The following USH2A variants were observed in gnomAD, a reference collection of about 807,000 sequenced individuals.
The protein encoded by USH2A is Usher syndrome 2A (autosomal recessive, mild).
In USH2A, 443 loss-of-function variants were observed where a neutral mutation model predicts 538.9. That is an observed-to-expected ratio of 0.82 (90% confidence interval 0.76 to 0.89). USH2A has a LOEUF of 0.89. Ranked by LOEUF, USH2A falls within the 40% of genes least tolerant of loss-of-function variation. The pLI, the probability that USH2A is intolerant of heterozygous loss-of-function variation, is 0.00. For missense variants in USH2A, 6,633 were observed against 6,324.8 expected, an observed-to-expected ratio of 1.05 and a Z score of -1.65; for synonymous variants, 2,413 against 2,273.5, an observed-to-expected ratio of 1.06 and a Z score of -1.75.
chr1:216,089,134 T>G lies in USH2A; in HGVS notation c.4764A>C (p.Ser1588=), dbSNP rs1317953819. The G allele has an allele frequency of 1.2e-6, 2 of 1,612,700 alleles. No individual in the cohort carries two copies. Among genetic ancestry groups the G allele is most frequent in the Admixed American group, 3.3e-5 (2 of 59,980 alleles). Residue 1588 remains serine (S), a synonymous_variant, in exon 23 of 72, where the codon TCA becomes TCC. Transcript: ENST00000307340. ...CATTAGTTGTAGTTACTTCCACTGG[T>G]GACCCCTTAAGGGAATGAATGAATA... ...RLYFLFDPQG[S]PVEVTTTNDH...
At chr1:215,950,393 T>C (rs1280222065) in intron 37 of USH2A, among the ~76,000 whole-genome samples, 2 of 152,194 alleles carry the variant, frequency 1.3e-5, no homozygotes, top group Non-Finnish European at 2.9e-5. Context: ...AAATATGATA[T>C]GTGTTTGTAG....
chr1:216,054,989 A>G (rs1001699916), intron 30 of USH2A, among the ~76,000 whole-genome samples: 4 of 152,170 alleles, frequency 2.6e-5, no homozygotes, highest in Admixed American at 6.5e-5. Flanking sequence ...ATCATGCACA[A>G]TATTTCAAAT....
In USH2A at chr1:215,812,418, A is replaced by T. The variant is rs555718749; in HGVS notation, c.9739+1318T>A. ...TTTGGTAAATTGGCTCTATCTGTGC[A>T]ATGGGCAAGATGAACCCATCAGGTG... On this transcript the variant is annotated intron_variant, in intron 49 of 71. Coordinates refer to ENST00000307340, the MANE Select transcript of USH2A (RefSeq NM_206933.4). Among the ~76,000 whole-genome samples, 5 of 152,322 alleles carry T rather than the reference A, an allele frequency of 3.3e-5. No individual in the cohort carries two copies. In the South Asian group the frequency reaches 1.0e-3, roughly 32 times the overall value.
At chr1:215,904,165 T>G (rs1234338440) in intron 38 of USH2A, among the ~76,000 whole-genome samples, 1 of 152,096 alleles carries the variant, frequency 6.6e-6, no homozygotes, top group East Asian at 1.9e-4. Context: ...ATAATGTAAT[T>G]GAAAATCCAA....
At chr1:215,871,047 A>T (rs142189144) in intron 43 of USH2A, among the ~76,000 whole-genome samples, 127 of 152,306 alleles carry the variant, frequency 8.3e-4, no homozygotes, top group African/African-American at 3.0e-3. Context: ...GTAAGTGAAT[A>T]CTTATATTGA....
chr1:215,862,535 CAGATGT>C (rs1240917341), intron 44 of USH2A, among the ~76,000 whole-genome samples: 6 of 152,110 alleles, frequency 3.9e-5, no homozygotes, highest in Non-Finnish European at 8.8e-5. Context: ...GCACGTTGTG[CAGATGT>C]ACCCTAGAAC....
intron 30 of USH2A, among the ~76,000 whole-genome samples, chr1:216,063,751 G>A (rs898493733): frequency 1.1e-4 from 16 of 152,134 alleles, no homozygotes; most frequent in African/African-American, 3.9e-4. Context: ...TTCACTTAAT[G>A]TCATTGGAAT....
intron 21 of USH2A, among the ~76,000 whole-genome samples, chr1:216,113,966 T>C (rs1262014266): frequency 6.6e-6 from 1 of 151,730 alleles, no homozygotes; most frequent in African/African-American, 2.4e-5. Flanking sequence ...TCTTTCTTAC[T>C]TACAAATTTA....
Position 215,766,671 on chromosome 1 carries a change from G to T in USH2A, c.11047+10C>A, listed in dbSNP as rs778693513. 1 of 1,611,054 alleles carries T rather than the reference G, an allele frequency of 6.2e-7. No individual in the cohort carries two copies. The highest frequency in any genetic ancestry group is 8.5e-7 in the Non-Finnish European group (1 of 1,177,428). On this transcript the variant is annotated intron_variant, in intron 56 of 71. Transcript: ENST00000307340. ...TTTCTTCCCTCAAACCATGGATATT[G>T]TTTCATTACCTTCAGGAGCTGCCTG...
At chr1:216,323,831 T>A in intron 7 of USH2A, 136 bp from the exon 8 acceptor site, 1 of 817,182 alleles carries the variant, frequency 1.2e-6, no homozygotes, top group Non-Finnish European at 2.0e-6. Flanking sequence ...ATATTCCATA[T>A]ATTTCATATA....
chr1:216,276,048 G>A (rs920225605), intron 11 of USH2A, among the ~76,000 whole-genome samples: 1 of 152,088 alleles, frequency 6.6e-6, no homozygotes, highest in Non-Finnish European at 1.5e-5. Flanking sequence ...CTGGGCATGA[G>A]CTTTGGAAAT....
At chr1:216,115,471 C>T (rs991127636) in intron 21 of USH2A, among the ~76,000 whole-genome samples, 1 of 152,086 alleles carries the variant, frequency 6.6e-6, no homozygotes, top group African/African-American at 2.4e-5. Context: ...ATTGTCAATA[C>T]AAGATCAAGA....
At chr1:215,786,561 A>C in intron 52 of USH2A, 109 bp downstream of exon 52, 1 of 1,187,712 alleles carries the variant, frequency 8.4e-7, no homozygotes, top group South Asian at 1.2e-5. Flanking sequence ...GATGGAATGT[A>C]CTGATATCAG....
intron 21 of USH2A, among the ~76,000 whole-genome samples, chr1:216,169,279 C>A (rs2034230068): frequency 6.6e-6 from 1 of 152,052 alleles, no homozygotes; most frequent in African/African-American, 2.4e-5. Context: ...TAACAGCTAA[C>A]AAAAACAGTT....
intron 30 of USH2A, among the ~76,000 whole-genome samples, chr1:216,066,186 C>T (rs2031359375): frequency 6.6e-6 from 1 of 151,618 alleles, no homozygotes; most frequent in Admixed American, 6.6e-5. Context: ...AAATTGCTAT[C>T]CTGGCCGGGC....
intron 3 of USH2A, among the ~76,000 whole-genome samples, chr1:216,380,284 T>C (rs1339096232): frequency 1.3e-5 from 2 of 152,158 alleles, no homozygotes; most frequent in African/African-American, 2.4e-5. Context: ...AAATATCTTT[T>C]TCCAAATAGC....
intron 38 of USH2A, among the ~76,000 whole-genome samples, chr1:215,918,604 G>A (rs944920008): frequency 1.3e-5 from 2 of 151,974 alleles, no homozygotes; most frequent in South Asian, 2.1e-4. Flanking sequence ...CCGCCTAAAC[G>A]GACAAGACAG....
intron 44 of USH2A, among the ~76,000 whole-genome samples, chr1:215,865,242 C>T (rs1009296366): frequency 6.6e-6 from 1 of 152,124 alleles, no homozygotes; most frequent in African/African-American, 2.4e-5. Flanking sequence ...TGAGAGTTAA[C>T]CTTTGTGCTC....
rs186116081 is a variant in USH2A at position 216,383,727 on chromosome 1, G to T, written c.652-18642C>A. On this transcript the variant is annotated intron_variant, in intron 3 of 71. Coordinates refer to ENST00000307340, the MANE Select transcript of USH2A (RefSeq NM_206933.4). ...GGATCTGGCTCTGTTGCCTAGGCTG[G>T]AGTGCAGTGGCACGACCATGGCTCA... Among the ~76,000 whole-genome samples the T allele has an allele frequency of 2.7e-3, 414 of 152,194 alleles. 1 individual carries two copies. Among genetic ancestry groups the T allele is most frequent in the African/African-American group, 9.4e-3 (389 of 41,526 alleles).
Sources: gnomAD v4.1 joint callset for allele counts (sites outside exome capture counted in the v4.1 genomes callset) on GRCh38, gnomAD v4.1.1 for gene constraint, MANE v1.5 for transcripts, NCBI Gene and HGNC (gene_info 2026-07-23, HGNC 2026-07-21) for gene names.